Variants in CCNJL observed in about 807,000 individuals in gnomAD.
CCNJL encodes the protein cyclin J like.
A neutral mutation model predicts 33.4 loss-of-function variants in CCNJL; 33 were observed. The observed-to-expected ratio is 0.99, with a 90% confidence interval of 0.75 to 1.32. CCNJL has a LOEUF of 1.32. Ranked by LOEUF, CCNJL falls within the 40% of genes most tolerant of loss-of-function variation. The probability of loss-of-function intolerance (pLI) is 0.00; values close to 1 mark genes in which losing one functional copy is unlikely to be tolerated. For missense variants in CCNJL, 512 were observed against 499.7 expected (o/e 1.02, Z -0.23); for synonymous variants, 227 against 220.9 (o/e 1.03, Z -0.24).
chr5:160,259,169 T>A (rs1580946729), intron 4 of CCNJL, among the ~76,000 whole-genome samples: 1 of 152,338 alleles, frequency 6.6e-6, no homozygotes, highest in East Asian at 1.9e-4. Flanking sequence ...GATCTGCAAA[T>A]CTGTGCTATT....
At chr5:160,338,721 A>G (rs981634691) in intron 1 of CCNJL, among the ~76,000 whole-genome samples, 1 of 152,206 alleles carries the variant, frequency 6.6e-6, no homozygotes, top group East Asian at 1.9e-4. Context: ...CGTATAAAGC[A>G]CTTACCATAG....
chr5:160,337,605 C>A (rs1389472785), intron 1 of CCNJL, among the ~76,000 whole-genome samples: 1 of 152,100 alleles, frequency 6.6e-6, no homozygotes, highest in Non-Finnish European at 1.5e-5. Flanking sequence ...TGACTCCCAC[C>A]TTAGGGACGT....
At chr5:160,258,106 A>G (rs1386883461) in intron 4 of CCNJL, 2 of 285,214 alleles carry the variant, frequency 7.0e-6, no homozygotes, top group Non-Finnish European at 1.3e-5. Flanking sequence ...TCAGCCTCCC[A>G]AAGTGCTGGA....
At position 160,319,331 on chromosome 5, in the gene CCNJL, T is replaced by C. The variant is rs184779399; in HGVS notation, n.207-3826A>G. Among the ~76,000 whole-genome samples, 9 of 152,336 alleles carry C rather than the reference T, an allele frequency of 5.9e-5. No individual in the cohort carries two copies. In the East Asian group the frequency reaches 1.7e-3, roughly 29 times the overall value. On this transcript the variant is annotated intron_variant and non_coding_transcript_variant, in intron 1 of 7. Coordinates refer to the CCNJL transcript ENST00000377503. ...CCATCTCCTTTGTGAGCAATCCTTG[T>C]GGCAAAGTTTTCCCCCTTGCTAGTG... is the stretch of plus-strand genomic sequence containing the variant.
chr5:160,259,332 G>T, intron 4 of CCNJL, 137 bp downstream of exon 4: 1 of 723,608 alleles, frequency 1.4e-6, no homozygotes, highest in Non-Finnish European at 2.3e-6. Flanking sequence ...TGCCTGCAAA[G>T]TTAAGAGTGA....
intron 2 of CCNJL, among the ~76,000 whole-genome samples, chr5:160,301,000 G>A (rs1368896494): frequency 3.9e-5 from 6 of 152,120 alleles, no homozygotes; most frequent in Non-Finnish European, 8.8e-5. Context: ...CTGGTGATAT[G>A]CAAGGTTCTT....
chr5:160,302,238 T>C (rs1026052903), intron 2 of CCNJL, among the ~76,000 whole-genome samples: 6 of 151,088 alleles, frequency 4.0e-5, no homozygotes, highest in Admixed American at 1.3e-4. Flanking sequence ...ACATTATGCA[T>C]TGGATTGCAG....
intron 3 of CCNJL, among the ~76,000 whole-genome samples, chr5:160,273,962 T>C (rs935244806): frequency 2.0e-5 from 3 of 152,022 alleles, no homozygotes; most frequent in Non-Finnish European, 4.4e-5. Flanking sequence ...AAAAGAGTTT[T>C]AGCAAGTAGG....
chr5:160,314,633 C>T (rs911967884), upstream of CCNJL, among the ~76,000 whole-genome samples: 17 of 152,082 alleles, frequency 1.1e-4, no homozygotes, highest in African/African-American at 4.1e-4. Flanking sequence ...TTATCATTGC[C>T]AAAAAGGCAA....
In CCNJL at chr5:160,253,473, T is replaced by TGGCC. The variant is rs758569380; in HGVS notation, c.1065_1068dup (p.Ile357GlyfsTer5). 1 of 1,613,700 alleles carries TGGCC rather than the reference T, an allele frequency of 6.2e-7. No individual in the cohort carries two copies. Among genetic ancestry groups the TGGCC allele is most frequent in the Non-Finnish European group, 8.5e-7 (1 of 1,179,896 alleles). On this transcript the variant is annotated frameshift_variant, in exon 6 of 6. Coordinates refer to ENST00000257536, the MANE Select transcript of CCNJL (RefSeq NM_001308173.3). LOFTEE classifies it high-confidence loss of function. ...AGGCAGTGCCTGGGCTCAGCTGCAATGGCCATATGCATGCTAAGGGATGCA... is the reference window on the plus strand; with the variant it reads ...AGGCAGTGCCTGGGCTCAGCTGCAATGGCCGGCCATATGCATGCTAAGGGATGCA...
At chr5:160,326,930 T>C (rs1763545887) in intron 1 of CCNJL, 4 of 640,568 alleles carry the variant, frequency 6.2e-6, no homozygotes, top group Admixed American at 1.8e-5. Flanking sequence ...CGGATCATGC[T>C]AAAAGGACAT....
chr5:160,303,392 G>A (rs2113432823), intron 2 of CCNJL, among the ~76,000 whole-genome samples: 1 of 152,084 alleles, frequency 6.6e-6, no homozygotes, highest in South Asian at 2.1e-4. Context: ...TTTTAGTAGA[G>A]ACAGGGTTTC....
chr5:160,321,226 A>G (rs1227325400), intron 1 of CCNJL, among the ~76,000 whole-genome samples: 1 of 151,952 alleles, frequency 6.6e-6, no homozygotes, highest in Non-Finnish European at 1.5e-5. Context: ...GAACAATGGG[A>G]TAAGAGCTTT....
intron 1 of CCNJL, among the ~76,000 whole-genome samples, chr5:160,324,495 C>T (rs1763510855): frequency 6.6e-6 from 1 of 152,148 alleles, no homozygotes; most frequent in Non-Finnish European, 1.5e-5. Context: ...ATTGCTTGAA[C>T]CCAGGAGGTG....
rs1417817383 is a variant in CCNJL, at chr5:160,259,701, G to C, written c.351C>G (p.Ser117Arg). Residue 117 changes from serine to arginine, a missense_variant, in exon 4 of 6, where the codon AGC becomes AGG. By Grantham distance (110) the Ser-to-Arg change is moderately radical. Coordinates refer to ENST00000257536, the MANE Select transcript of CCNJL (RefSeq NM_001308173.3). Reference sequence around the variant, plus strand: ...CCTTCTTGGTGAGGGTGAAGTTCTGGCTGCTCAGGATCCTCGTGCTGTTTA... The same window carrying C: ...CCTTCTTGGTGAGGGTGAAGTTCTGCCTGCTCAGGATCCTCGTGCTGTTTA... ...EQINSTRILS[S>R]QNFTLTKKEL... 6.2e-7 allele frequency: 1 copy of C among 1,614,170 alleles called. No homozygotes were observed. The highest frequency in any genetic ancestry group is 8.5e-7 in the Non-Finnish European group (1 of 1,180,032).
rs1761236657 is a variant in CCNJL, at chr5:160,259,738, T to C, written c.314A>G (p.Lys105Arg). Residue 105 changes from lysine (K) to arginine (R), a missense_variant, in exon 4 of 6, where the codon AAG (lysine) becomes AGG (arginine). By Grantham distance (26) the Lys-to-Arg change is conservative. Coordinates refer to ENST00000257536, the MANE Select transcript of CCNJL (RefSeq NM_001308173.3). Reference sequence around the variant, plus strand: ...CCTCGTGCTGTTTATTTGCTCCAACTTGGGGACGTGGTCTTCCCGATCCTC... The same window carrying C: ...CCTCGTGCTGTTTATTTGCTCCAACCTGGGGACGTGGTCTTCCCGATCCTC... ...KFEDREDHVP[K>R]LEQINSTRIL... 5 of 1,612,714 alleles carry C rather than the reference T, an allele frequency of 3.1e-6. No individual in the cohort carries two copies. The highest frequency in any genetic ancestry group is 2.2e-5 in the East Asian group (1 of 44,850).
In CCNJL at chr5:160,298,312, T is replaced by C. The variant is rs115875985; in HGVS notation, c.66+13546A>G. On this transcript the variant is annotated intron_variant, in intron 2 of 5. Transcript: ENST00000257536. ...GAGGTGGAGGTTGCAGTGAGCGAGG[T>C]TGCGCCACTGCGCTCCAGTGTGGGC... 9.0e-3 allele frequency among the ~76,000 whole-genome samples: 1,366 copies of C among 151,294 alleles called. 14 individuals carry two copies. The highest frequency in any genetic ancestry group is 0.031 in the African/African-American group (1,291 of 41,208).
intron 2 of CCNJL, among the ~76,000 whole-genome samples, chr5:160,297,478 A>C (rs1762782870): frequency 6.6e-6 from 1 of 152,096 alleles, no homozygotes; most frequent in Non-Finnish European, 1.5e-5. Flanking sequence ...GTCCCTAGTG[A>C]TCTGACAAAA....
intron 2 of CCNJL, among the ~76,000 whole-genome samples, chr5:160,311,327 C>T (rs1017418095): frequency 2.0e-5 from 3 of 152,106 alleles, no homozygotes; most frequent in Non-Finnish European, 4.4e-5. Flanking sequence ...TCTAGATATA[C>T]ACATAGATAC....
Sources: gnomAD v4.1 joint callset for allele counts (sites outside exome capture counted in the v4.1 genomes callset) on GRCh38, gnomAD v4.1.1 for gene constraint, MANE v1.5 for transcripts, NCBI Gene and HGNC (gene_info 2026-07-23, HGNC 2026-07-21) for gene names.